Variants in RBL1 observed in about 807,000 individuals in gnomAD.
RBL1 encodes RB transcriptional corepressor like 1, also known as retinoblastoma-like protein 1.
A neutral mutation model predicts 123.0 loss-of-function variants in RBL1; 82 were observed. The ratio of observed to expected loss-of-function variants is 0.67; its 90% confidence interval spans 0.56 to 0.80. The LOEUF (loss-of-function observed/expected upper bound fraction) is 0.80. Among genes scored for constraint, RBL1 ranks in the 30% least tolerant of loss-of-function variants. The probability of loss-of-function intolerance (pLI) is 0.00; values close to 1 mark genes in which losing one functional copy is unlikely to be tolerated. For missense variants in RBL1, 1,171 were observed against 1,299.6 expected, an observed-to-expected ratio of 0.90 and a Z score of 1.52; for synonymous variants, 405 against 441.3, an observed-to-expected ratio of 0.92 and a Z score of 1.03.
At chr20:37,001,889 T>C (rs1236558325) in intron 21 of RBL1, among the ~76,000 whole-genome samples, 2 of 138,842 alleles carry the variant, frequency 1.4e-5, no homozygotes, top group Non-Finnish European at 3.0e-5. Context: ...TGAGGTAGAG[T>C]TGAATTAAAA....
Position 37,022,689 on chromosome 20 carries a change from C to T in RBL1, c.2520G>A (p.Leu840=). 6.2e-7 allele frequency: 1 copy of T among 1,613,016 alleles called. No individual in the cohort carries two copies. Among genetic ancestry groups the T allele is most frequent in the Non-Finnish European group, 8.5e-7 (1 of 1,179,462 alleles). Residue 840 remains leucine (L), a synonymous_variant, in exon 17 of 22, where the codon TTG becomes TTA. Coordinates refer to ENST00000373664, the MANE Select transcript of RBL1 (RefSeq NM_002895.5). ...HCPDLMKDRH[L]DQLLLCAFYI... Reference sequence around the variant, plus strand: ...AAAAGGCACAAAGGAGGAGCTGATCCAAATGCCTGTCTTTCATTAGATCAG... The same window carrying T: ...AAAAGGCACAAAGGAGGAGCTGATCTAAATGCCTGTCTTTCATTAGATCAG...
intron 9 of RBL1, among the ~76,000 whole-genome samples, chr20:37,056,999 A>ACC (rs2146287456): frequency 6.8e-6 from 1 of 146,486 alleles, no homozygotes; most frequent in African/African-American, 2.6e-5. Context: ...CTTTCTATCT[A>ACC]TCTATCTACC....
chr20:37,039,694 G>C (rs1914670845), intron 14 of RBL1, among the ~76,000 whole-genome samples: 1 of 152,092 alleles, frequency 6.6e-6, no homozygotes, highest in Non-Finnish European at 1.5e-5. Flanking sequence ...TTTATTAGCA[G>C]TGTGAGAACA....
At chr20:37,002,201 TTG>T (rs1224180648) in intron 21 of RBL1, among the ~76,000 whole-genome samples, 11 of 151,952 alleles carry the variant, frequency 7.2e-5, no homozygotes, top group African/African-American at 2.7e-4. Context: ...GGCTATTTTT[TTG>T]TCTTTTTAGT....
At chr20:37,085,723 G>A (rs966605956) in intron 2 of RBL1, among the ~76,000 whole-genome samples, 16 of 128,140 alleles carry the variant, frequency 1.2e-4, no homozygotes, top group African/African-American at 4.0e-4. Flanking sequence ...GCGCAATCTC[G>A]GCTCGCTATA....
intron 20 of RBL1, among the ~76,000 whole-genome samples, chr20:37,006,134 A>C (rs1460082543): frequency 6.6e-6 from 1 of 151,236 alleles, no homozygotes; most frequent in Non-Finnish European, 1.5e-5. Flanking sequence ...TTCTGGGCTC[A>C]AGCAATCCTC....
intron 16 of RBL1, among the ~76,000 whole-genome samples, chr20:37,025,257 C>T (rs967471525): frequency 1.3e-5 from 2 of 152,180 alleles, no homozygotes; most frequent in African/African-American, 4.8e-5. Context: ...CGGTGGCTCA[C>T]ATCTGTAATC....
chr20:37,095,775 C>A lies in RBL1; in HGVS notation c.154G>T (p.Glu52Ter). 1 of 1,607,148 alleles carries A rather than the reference C, an allele frequency of 6.2e-7. No individual in the cohort carries two copies. Reference protein sequence around the residue: ...FTAIRGNYSLEGEVTHWLACS... With the variant: ...FTAIRGNYSL Reference sequence around the variant, plus strand: ...CCGCCCCACCTGCTGCCGCTCACCTCTAGGCTGTAGTTGCCTCGGATGGCA... The same window carrying A: ...CCGCCCCACCTGCTGCCGCTCACCTATAGGCTGTAGTTGCCTCGGATGGCA... Residue 52 changes from glutamate (E) to a stop codon, truncating the protein, a stop_gained and splice_region_variant, in exon 1 of 22, where the codon GAG becomes TAG. Coordinates refer to ENST00000373664, the MANE Select transcript of RBL1 (RefSeq NM_002895.5). LOFTEE classifies it high-confidence loss of function.
At chr20:36,999,701 C>A (rs2063934771) in intron 21 of RBL1, among the ~76,000 whole-genome samples, 1 of 152,234 alleles carries the variant, frequency 6.6e-6, no homozygotes, top group Non-Finnish European at 1.5e-5. Context: ...GCTGTGTTGG[C>A]CGGGCCGGTC....
chr20:37,031,905 C>CTTT (rs763127111), intron 16 of RBL1, among the ~76,000 whole-genome samples: 2 of 130,010 alleles, frequency 1.5e-5, no homozygotes, highest in African/African-American at 2.8e-5. Context: ...TACCTGGCTG[C>CTTT]TTTTTTTTTT....
At chr20:37,013,070 AC>A (rs2064189362) in intron 19 of RBL1, among the ~76,000 whole-genome samples, 1 of 151,732 alleles carries the variant, frequency 6.6e-6, no homozygotes. Context: ...CCCGGCCACC[AC>A]CCCGTCTGGG....
intron 2 of RBL1, among the ~76,000 whole-genome samples, chr20:37,069,646 C>T (rs901481810): frequency 4.6e-5 from 7 of 151,538 alleles, no homozygotes; most frequent in Non-Finnish European, 8.8e-5. Context: ...GCCCGGCAGC[C>T]GCCCCGTCTG....
intron 2 of RBL1, among the ~76,000 whole-genome samples, chr20:37,080,168 T>G (rs1185578358): frequency 6.6e-6 from 1 of 152,188 alleles, no homozygotes; most frequent in Non-Finnish European, 1.5e-5. Flanking sequence ...TATTTGATTT[T>G]ATTTTTTGAG....
At chr20:37,094,300 G>A (rs899565676) in intron 1 of RBL1, among the ~76,000 whole-genome samples, 1 of 152,180 alleles carries the variant, frequency 6.6e-6, no homozygotes, top group Non-Finnish European at 1.5e-5. Flanking sequence ...CAATTGAGAC[G>A]CCATTCATTC....
At position 37,079,132 on chromosome 20, in the gene RBL1, A is replaced by G. The variant is rs528571036; in HGVS notation, c.290+9857T>C. ...GGTGGGAGGACTGAGCCCAGGAGGT[A>G]GAGACTGCAGTGAGCTGAGGTGGCA... On this transcript the variant is annotated intron_variant, in intron 2 of 21. Coordinates refer to ENST00000373664, the MANE Select transcript of RBL1 (RefSeq NM_002895.5). Among the ~76,000 whole-genome samples, 495 of 149,300 alleles carry G rather than the reference A, an allele frequency of 3.3e-3. 3 individuals are homozygous for G. The highest frequency in any genetic ancestry group is 0.011 in the African/African-American group (466 of 40,740).
At chr20:37,050,502 A>T (rs1435049205) in intron 11 of RBL1, among the ~76,000 whole-genome samples, 1 of 136,448 alleles carries the variant, frequency 7.3e-6, no homozygotes, top group African/African-American at 2.7e-5. Context: ...CTGAGATTGC[A>T]CCACTGCACT....
chr20:37,013,408 A>G (rs1453614061), intron 19 of RBL1, among the ~76,000 whole-genome samples: 1 of 151,074 alleles, frequency 6.6e-6, no homozygotes, highest in African/African-American at 2.4e-5. Flanking sequence ...GTTAAAAGTC[A>G]TCACCACTCC....
intron 13 of RBL1, among the ~76,000 whole-genome samples, chr20:37,042,672 G>GT (rs2146263886): frequency 6.6e-6 from 1 of 152,152 alleles, no homozygotes; most frequent in East Asian, 1.9e-4. Context: ...GGAAACTGAG[G>GT]TGGGAGGATC....
rs750449367 is a variant in RBL1 at position 37,065,421 on chromosome 20, T to C, written c.896+3A>G. ...CCAGGCACCATTAGTACTAGATATTTACCTATTATCAGTAAAACTTGAAAG... is the reference window on the plus strand; with the variant it reads ...CCAGGCACCATTAGTACTAGATATTCACCTATTATCAGTAAAACTTGAAAG... On this transcript the variant is annotated splice_donor_region_variant and intron_variant, in intron 7 of 21. Transcript: ENST00000373664. The C allele has an allele frequency of 5.1e-6, 8 of 1,572,606 alleles. No homozygotes were observed. The highest frequency in any genetic ancestry group is 6.9e-6 in the Non-Finnish European group (8 of 1,151,394).
Sources: allele counts gnomAD v4.1 joint callset (sites outside exome capture counted in the v4.1 genomes callset), GRCh38; gene constraint gnomAD v4.1.1; transcripts MANE v1.5; gene names NCBI Gene and HGNC (gene_info 2026-07-23, HGNC 2026-07-21).